IKZF5: variants seen among roughly 807,000 people sequenced by gnomAD.
The protein encoded by IKZF5 is IKAROS family zinc finger 5, also known as zinc finger protein Pegasus.
Under a neutral mutation model 30.7 loss-of-function variants are expected in IKZF5, and 4 were observed. The ratio of observed to expected loss-of-function variants is 0.13; its 90% CI spans 0.06 to 0.30. The LOEUF (loss-of-function observed/expected upper bound fraction) is 0.30. Ranked by LOEUF, IKZF5 falls within the 10% of genes least tolerant of loss-of-function variation. IKZF5 has a pLI of 1.00. For missense variants in IKZF5, 348 were observed against 525.5 expected (o/e 0.66, Z 3.30); for synonymous variants, 148 against 179.6 (o/e 0.82, Z 1.41).
Position 122,993,390 on chromosome 10 carries a change from A to G in IKZF5, c.*390T>C, listed in dbSNP as rs573412294. The G allele has an allele frequency of 3.8e-4, 59 of 155,510 alleles. No homozygotes were observed. Among genetic ancestry groups the G allele is most frequent in the African/African-American group, 1.3e-3 (53 of 41,668 alleles). 9.6% of individuals were successfully genotyped at this position (155,510 alleles called of 1,614,324 possible). ...AGTAATAAATTCTGTAATTTATTCT[A>G]CCATTTTGAAATATGGCAGAAATAA... On this transcript the variant is annotated 3_prime_UTR_variant, in exon 5 of 5. Coordinates refer to ENST00000368886, the MANE Select transcript of IKZF5 (RefSeq NM_001372123.1).
intron 2 of IKZF5, among the ~76,000 whole-genome samples, chr10:123,002,148 C>T (rs1589721120): frequency 6.6e-6 from 1 of 152,204 alleles, no homozygotes; most frequent in African/African-American, 2.4e-5. Flanking sequence ...TAACTGAATT[C>T]TCTTTTCTTA....
chr10:122,994,325 G>A lies in IKZF5; in HGVS notation c.715C>T (p.Leu239Phe). ...SMAKTTPTGG[L>F]PRDPQELMVD... ...ATGAGTTCTTGGGGGTCCCTTGGAAGGCCACCAGTTGGTGTGGTTTTTGCC... is the reference window on the plus strand; with the variant it reads ...ATGAGTTCTTGGGGGTCCCTTGGAAAGCCACCAGTTGGTGTGGTTTTTGCC... The change falls in exon 5 of 5, where the codon CTT (leucine) becomes TTT (phenylalanine). Residue 239 changes from leucine (L) to phenylalanine (F), a missense_variant. Leu to Phe is a conservative substitution (Grantham distance 22, BLOSUM62 0). Coordinates refer to ENST00000368886, the MANE Select transcript of IKZF5 (RefSeq NM_001372123.1). The surrounding 1 kb of genome is among the most constrained non-coding windows in gnomAD (Gnocchi z 5.6). The A allele has an allele frequency of 2.5e-6, 4 of 1,614,098 alleles. No individual in the cohort carries two copies. The highest frequency in any genetic ancestry group is 3.4e-6 in the Non-Finnish European group (4 of 1,180,014).
At chr10:123,003,220 GA>G (rs1485235811) in intron 2 of IKZF5, among the ~76,000 whole-genome samples, 1 of 114,016 alleles carries the variant, frequency 8.8e-6, no homozygotes, top group East Asian at 2.8e-4. Context: ...TTTTAGTAGA[GA>G]GGGGGTTTCA....
Position 122,993,652 on chromosome 10 carries a change from TTATATTCTATAAATATAATG to T in IKZF5, c.*108_*127del. 2 of 562,992 alleles carry T rather than the reference TTATATTCTATAAATATAATG, an allele frequency of 3.6e-6. No homozygotes were observed. Among genetic ancestry groups the T allele is most frequent in the Non-Finnish European group, 3.0e-6 (1 of 336,882 alleles). 34.9% of individuals were successfully genotyped at this position (562,992 alleles called of 1,614,324 possible). ...GGGAAATTTTATTCCACTGACAAATTTATATTCTATAAATATAATGTATAAGCCTTGAATTAGCAGACACT... is the reference window on the plus strand; with the variant it reads ...GGGAAATTTTATTCCACTGACAAATTTATAAGCCTTGAATTAGCAGACACT... On this transcript the variant is annotated 3_prime_UTR_variant, in exon 5 of 5. Transcript: ENST00000368886.
In IKZF5 at chr10:122,991,884, CTCTT is replaced by C. The variant is rs1184952605; in HGVS notation, c.*1892_*1895del. On this transcript the variant is annotated 3_prime_UTR_variant, in exon 5 of 5. Coordinates refer to ENST00000368886, the MANE Select transcript of IKZF5 (RefSeq NM_001372123.1). ...ATAAGCTGGTTTTAACAAGGGAGTT[CTCTT>C]TGTTTCATGAAAATTTTCATTTTCT... is the stretch of plus-strand genomic sequence containing the variant. The C allele has an allele frequency of 6.6e-6, 1 of 152,126 alleles. No individual in the cohort carries two copies. The highest frequency in any genetic ancestry group is 1.5e-5 in the Non-Finnish European group (1 of 67,986). 9.4% of individuals were successfully genotyped at this position (152,126 alleles called of 1,614,324 possible).
At chr10:122,999,052 T>G (rs77608461) in intron 2 of IKZF5, among the ~76,000 whole-genome samples, 1,822 of 152,242 alleles carry the variant, frequency 0.012, 44 homozygotes, top group African/African-American at 0.039. Context: ...TTTAATTAGC[T>G]GAGTGGTGGC....
intron 2 of IKZF5, among the ~76,000 whole-genome samples, chr10:123,001,078 C>T (rs981481072): frequency 3.3e-5 from 5 of 151,316 alleles, no homozygotes; most frequent in Non-Finnish European, 5.9e-5. Context: ...GCCGTGATCT[C>T]GGCTCACTGC....
chr10:122,998,259 G>T lies in IKZF5; in HGVS notation c.133+234C>A, dbSNP rs185423606. The T allele has an allele frequency of 3.3e-5, 12 of 361,864 alleles. No homozygotes were observed. In the Admixed American group the frequency reaches 3.6e-4, roughly 11 times the overall value. 22.4% of individuals were successfully genotyped at this position (361,864 alleles called of 1,614,324 possible). A position where few individuals can be genotyped will look rare whatever the true frequency, so the allele number is the denominator to read the frequency against. On this transcript the variant is annotated intron_variant, in intron 3 of 4. Transcript: ENST00000368886. ...CTCATAAAAACTGGAGGACAGGAAGGGTATTTGGAGCCCCTAACCTTCCAA... is the reference window on the plus strand; with the variant it reads ...CTCATAAAAACTGGAGGACAGGAAGTGTATTTGGAGCCCCTAACCTTCCAA...
chr10:123,005,855 T>TTA (rs1383549923), intron 2 of IKZF5, among the ~76,000 whole-genome samples: 4 of 152,220 alleles, frequency 2.6e-5, no homozygotes, highest in Non-Finnish European at 5.9e-5. Context: ...TAAATGTTTG[T>TTA]TTAAACCACT....
chr10:123,001,034 G>C (rs1171957586), intron 2 of IKZF5, among the ~76,000 whole-genome samples: 1 of 148,640 alleles, frequency 6.7e-6, no homozygotes, highest in African/African-American at 2.5e-5. Flanking sequence ...TTTTGAAACA[G>C]AATCTCACTC....
At position 122,994,786 on chromosome 10, in the gene IKZF5, T is replaced by G; in HGVS notation, c.317-63A>C. On this transcript the variant is annotated intron_variant, in intron 4 of 4. Coordinates refer to ENST00000368886, the MANE Select transcript of IKZF5 (RefSeq NM_001372123.1). The surrounding 1 kb of genome is among the most constrained non-coding windows in gnomAD (Gnocchi z 5.6). Reference sequence around the variant, plus strand: ...TAGTTCATTTATGGAAAGTTTTGCTTGTCCATTCATTGGACAACTGGAAAT... The same window carrying G: ...TAGTTCATTTATGGAAAGTTTTGCTGGTCCATTCATTGGACAACTGGAAAT... The G allele has an allele frequency of 7.5e-7, 1 of 1,336,216 alleles. No individual in the cohort carries two copies. Among genetic ancestry groups the G allele is most frequent in the South Asian group, 1.4e-5 (1 of 70,132 alleles). 82.8% of individuals were successfully genotyped at this position (1,336,216 alleles called of 1,614,324 possible).
Position 123,008,760 on chromosome 10 carries a change from C to T in IKZF5, c.-264G>A. ...ATGCCGTCGCCGCCGCCGCCGTCTT[C>T]GTCACCGTCACAGTCGCCGCCGCCA... On this transcript the variant is annotated 5_prime_UTR_variant, in exon 1 of 5. Coordinates refer to ENST00000368886, the MANE Select transcript of IKZF5 (RefSeq NM_001372123.1). 2 of 602,470 alleles carry T rather than the reference C, an allele frequency of 3.3e-6. No individual in the cohort carries two copies. The highest frequency in any genetic ancestry group is 2.8e-5 in the Admixed American group (1 of 35,118). The allele number at this position is 602,470 out of a possible 1,614,324, so 37.3% of individuals were successfully genotyped here. A position where few individuals can be genotyped will look rare whatever the true frequency, so the allele number is the denominator to read the frequency against.
chr10:122,994,742 G>A lies in IKZF5; in HGVS notation c.317-19C>T. 2 of 1,557,486 alleles carry A rather than the reference G, an allele frequency of 1.3e-6. No individual in the cohort carries two copies. The highest frequency in any genetic ancestry group is 2.3e-5 in the East Asian group (1 of 44,384). ...TTTTCACCTGTTTCAAAAGAAAAAT[G>A]ATGGAGAAACTACAAGAGTAGTTCA... On this transcript the variant is annotated intron_variant, in intron 4 of 4. Transcript: ENST00000368886. The surrounding 1 kb of genome is among the most constrained non-coding windows in gnomAD (Gnocchi z 5.6).
intron 2 of IKZF5, among the ~76,000 whole-genome samples, chr10:123,001,704 C>T (rs1849592426): frequency 1.3e-5 from 2 of 152,126 alleles, no homozygotes; most frequent in African/African-American, 4.8e-5. Flanking sequence ...GTCCTTGCTG[C>T]CATACCAGAT....
At chr10:122,997,617 A>C (rs1487701366) in intron 3 of IKZF5, 1 of 152,242 alleles carries the variant, frequency 6.6e-6, no homozygotes, top group Non-Finnish European at 1.5e-5. Flanking sequence ...TACCCAGACT[A>C]TCTAGGTCAG....
At chr10:123,001,847 A>C (rs1849598276) in intron 2 of IKZF5, among the ~76,000 whole-genome samples, 1 of 152,230 alleles carries the variant, frequency 6.6e-6, no homozygotes, top group Non-Finnish European at 1.5e-5. Flanking sequence ...TTGAGGAATG[A>C]GGGGGTTCTG....
chr10:123,006,383 C>A (rs1406800481), intron 2 of IKZF5, among the ~76,000 whole-genome samples: 1 of 152,156 alleles, frequency 6.6e-6, no homozygotes, highest in Admixed American at 6.5e-5. Flanking sequence ...CAAGCACACA[C>A]ACACAATTAC....
chr10:122,998,860 T>C (rs1489470044), intron 2 of IKZF5, among the ~76,000 whole-genome samples, 189 bp from the exon 3 acceptor site: 1 of 152,052 alleles, frequency 6.6e-6, no homozygotes, highest in Non-Finnish European at 1.5e-5. Context: ...TAATTAAATA[T>C]AAATACGGAT....
rs765356482 is a variant in IKZF5 at position 122,996,057 on chromosome 10, G to A, written c.253C>T (p.Arg85Trp). 2 of 1,613,970 alleles carry A rather than the reference G, an allele frequency of 1.2e-6. No homozygotes were observed. The highest frequency in any genetic ancestry group is 1.1e-5 in the South Asian group (1 of 91,078). The change falls in exon 4 of 5, where the codon CGG becomes TGG. Residue 85 changes from arginine to tryptophan, a missense_variant. Arg to Trp is a moderately radical substitution (Grantham distance 101). Around this residue, in one of 4 missense-constraint regions of IKZF5, gnomAD observed 36 missense variants for 129.4 expected, o/e 0.28. Coordinates refer to ENST00000368886, the MANE Select transcript of IKZF5 (RefSeq NM_001372123.1). ...ERTFDGKLKCRYCNYASKGTA... is the reference protein window; with the variant it reads ...ERTFDGKLKCWYCNYASKGTA... Reference sequence around the variant, plus strand: ...CCTTTGCTGGCATAGTTGCAGTACCGACACTTAAGCTTCCCATCAAAGGTC... The same window carrying A: ...CCTTTGCTGGCATAGTTGCAGTACCAACACTTAAGCTTCCCATCAAAGGTC...
Sources: gnomAD v4.1 joint callset for allele counts (sites outside exome capture counted in the v4.1 genomes callset) on GRCh38, gnomAD v4.1.1 for gene constraint, gnomAD v4.1.1 regional missense constraint, Gnocchi (gnomAD v3.1) non-coding constraint, MANE v1.5 for transcripts, NCBI Gene and HGNC (gene_info 2026-07-23, HGNC 2026-07-21) for gene names.